The following ATP11A variants were observed in gnomAD, a reference collection of about 807,000 sequenced individuals.
The protein encoded by ATP11A is ATPase phospholipid transporting 11A.
In ATP11A, 81 loss-of-function variants were observed where a neutral mutation model predicts 154.4. That is an observed-to-expected ratio of 0.52 (90% CI 0.44 to 0.63). The LOEUF is 0.63. Ranked by LOEUF, ATP11A falls within the 30% of genes least tolerant of loss-of-function variation. The probability of loss-of-function intolerance (pLI) is 0.00; values close to 1 mark genes in which losing one functional copy is unlikely to be tolerated. For synonymous variants in ATP11A, 623 were observed against 585.9 expected, an observed-to-expected ratio of 1.06 and a Z score of -0.91; for missense variants, 1,316 against 1,474.3, an observed-to-expected ratio of 0.89 and a Z score of 1.76.
intron 2 of ATP11A, among the ~76,000 whole-genome samples, chr13:112,789,826 C>T (rs1050305391): frequency 3.5e-5 from 5 of 141,514 alleles, no homozygotes; most frequent in African/African-American, 1.3e-4. Context: ...CACCGAGTGT[C>T]CTGACGTGTA....
At chr13:112,748,324 A>C (rs957629337) in intron 1 of ATP11A, among the ~76,000 whole-genome samples, 1 of 152,204 alleles carries the variant, frequency 6.6e-6, no homozygotes, top group African/African-American at 2.4e-5. Context: ...CATGTAGTAG[A>C]TATATTTATT....
intron 11 of ATP11A, 34 bp downstream of exon 11, chr13:112,825,614 G>T: frequency 1.3e-6 from 2 of 1,575,650 alleles, no homozygotes; most frequent in South Asian, 2.3e-5. Flanking sequence ...ATGATCCGAG[G>T]TGACCTGTGG....
At position 112,857,911 on chromosome 13, in the gene ATP11A, G is replaced by A. The variant is rs781225364; in HGVS notation, c.2512G>A (p.Val838Met). The change falls in exon 21 of 30, where the codon GTG becomes ATG. Residue 838 changes from valine to methionine, a missense_variant. Physicochemically the swap from Val to Met is conservative, Grantham distance 21. This residue lies in a region of ATP11A where 876 missense variants were observed against 1,006.8 expected (regional missense o/e 0.87). Transcript: ENST00000375645. ...NDVSMILEAH[V>M]GIGVIGKEGR... ...TGTCAGCATGATTCTGGAAGCGCAC[G>A]TGGGCATAGGTGAGCTTCGTCCTTG... The A allele has an allele frequency of 9.9e-6, 16 of 1,614,166 alleles. No individual in the cohort carries two copies. The highest frequency in any genetic ancestry group is 1.6e-4 in the Middle Eastern group (1 of 6,062).
At chr13:112,718,800 A>G (rs1888809021) in intron 1 of ATP11A, among the ~76,000 whole-genome samples, 2 of 151,758 alleles carry the variant, frequency 1.3e-5, no homozygotes. Flanking sequence ...CTTCCTGAGT[A>G]GCTGGGATTA....
chr13:112,862,385 A>G (rs949973612), intron 24 of ATP11A, 55 bp from the exon 25 acceptor site: 6 of 1,603,204 alleles, frequency 3.7e-6, no homozygotes, highest in Non-Finnish European at 5.1e-6. Context: ...AGCCTGGGGG[A>G]GGTGCCGGGC....
At chr13:112,757,125 G>A (rs1460046057) in intron 1 of ATP11A, among the ~76,000 whole-genome samples, 1 of 152,166 alleles carries the variant, frequency 6.6e-6, no homozygotes. Flanking sequence ...AATCTGTAGT[G>A]TTACTGGTGG....
intron 17 of ATP11A, among the ~76,000 whole-genome samples, chr13:112,848,946 C>G (rs1426236397): frequency 6.6e-6 from 1 of 152,226 alleles, no homozygotes; most frequent in African/African-American, 2.4e-5. Flanking sequence ...CCTCAGCCTC[C>G]CAAAGTGCTG....
rs1885816682 is a variant in ATP11A, at chr13:112,696,447, G to T, written c.39+5992G>T. Among the ~76,000 whole-genome samples, 1 of 152,054 alleles carries T rather than the reference G, an allele frequency of 6.6e-6. No homozygotes were observed. Among genetic ancestry groups the T allele is most frequent in the Admixed American group, 6.5e-5 (1 of 15,272 alleles). On this transcript the variant is annotated intron_variant, in intron 1 of 29. Transcript: ENST00000375645. The surrounding 1 kb of genome is among the most constrained non-coding windows in gnomAD (Gnocchi z 6.2). ...TGCGCTTGCCTCCTCCGGTTGGAGC[G>T]AGTGACCCGTTCTGCCGAAGTCCAG...
chr13:112,715,688 T>G (rs920250190), intron 1 of ATP11A, among the ~76,000 whole-genome samples: 3 of 150,440 alleles, frequency 2.0e-5, no homozygotes, highest in African/African-American at 7.3e-5. Context: ...TGGGAATTCT[T>G]TACAGATTAA....
In ATP11A at chr13:112,790,606, A is replaced by T. The variant is rs373042436; in HGVS notation, c.162+5349A>T. 1.2e-4 allele frequency among the ~76,000 whole-genome samples: 17 copies of T among 146,812 alleles called. No homozygotes were observed. The South Asian group carries it at 3.3e-3, about 28-fold the overall frequency. ...ATTCACACCGGGTGTCCTGATGTGT[A>T]GACCCCTGCGATAGACCTCCTTAAT... On this transcript the variant is annotated intron_variant, in intron 2 of 29. Coordinates refer to ENST00000375645, the MANE Select transcript of ATP11A (RefSeq NM_015205.3).
intron 1 of ATP11A, among the ~76,000 whole-genome samples, chr13:112,706,104 A>AAG (rs552606701): frequency 4.5e-4 from 68 of 152,320 alleles, no homozygotes; most frequent in Admixed American, 1.0e-3. Flanking sequence ...TCATCAGTGA[A>AAG]AGAGATCTTA....
intron 27 of ATP11A, among the ~76,000 whole-genome samples, chr13:112,874,488 G>A (rs944846649): frequency 2.0e-5 from 3 of 152,170 alleles, no homozygotes; most frequent in African/African-American, 4.8e-5. Context: ...GCCAGGAAAC[G>A]ACGCTGAGTG....
chr13:112,818,059 C>T (rs2078690993), intron 6 of ATP11A, among the ~76,000 whole-genome samples: 1 of 152,228 alleles, frequency 6.6e-6, no homozygotes, highest in East Asian at 1.9e-4. Flanking sequence ...ATAAGCGCCC[C>T]CTGATTTGTG....
chr13:112,715,424 CCACCTCCCCACACCT>C (rs1183226537), intron 1 of ATP11A, among the ~76,000 whole-genome samples: 3 of 145,214 alleles, frequency 2.1e-5, no homozygotes, highest in East Asian at 2.1e-4. Context: ...CACACCTGGC[CCACCTCCCCACACCT>C]GGCCCACCTC....
At chr13:112,810,434 A>G (rs909409324) in intron 4 of ATP11A, among the ~76,000 whole-genome samples, 185 bp from the exon 5 acceptor site, 1 of 152,236 alleles carries the variant, frequency 6.6e-6, no homozygotes, top group Non-Finnish European at 1.5e-5. Context: ...TCGCGTTGCC[A>G]TGGAACATGC....
At chr13:112,691,693 C>G (rs1885218258) in intron 1 of ATP11A, among the ~76,000 whole-genome samples, 1 of 152,132 alleles carries the variant, frequency 6.6e-6, no homozygotes, top group Admixed American at 6.5e-5. Context: ...TAGGAATTAC[C>G]TCAGGCAGCC....
At chr13:112,852,205 T>A (rs1249310853) in intron 18 of ATP11A, among the ~76,000 whole-genome samples, 1 of 152,160 alleles carries the variant, frequency 6.6e-6, no homozygotes, top group Non-Finnish European at 1.5e-5. Context: ...TTGATGAGAA[T>A]GAAGCAGAAA....
intron 12 of ATP11A, 53 bp downstream of exon 12, chr13:112,826,944 G>A (rs904327003): frequency 6.3e-7 from 1 of 1,586,484 alleles, no homozygotes; most frequent in African/African-American, 1.3e-5. Context: ...GGGTGAGTCT[G>A]CTTCACGTTC....
chr13:112,780,508 T>C (rs1454638724), intron 1 of ATP11A, among the ~76,000 whole-genome samples: 1 of 152,192 alleles, frequency 6.6e-6, no homozygotes, highest in Non-Finnish European at 1.5e-5. Context: ...CTTCCTTCCT[T>C]TCCGTGTATC....
Sources: allele counts gnomAD v4.1 joint callset (sites outside exome capture counted in the v4.1 genomes callset), GRCh38; gene constraint gnomAD v4.1.1; regional missense constraint gnomAD v4.1.1; non-coding constraint Gnocchi (gnomAD v3.1); transcripts MANE v1.5; gene names NCBI Gene and HGNC (gene_info 2026-07-23, HGNC 2026-07-21).